Variants in COL4A1 observed in about 807,000 individuals in gnomAD.
The protein encoded by COL4A1 is collagen alpha-1(IV) chain.
In COL4A1, 40 loss-of-function variants were observed where a neutral mutation model predicts 216.6. The ratio of observed to expected loss-of-function variants is 0.18; its 90% CI spans 0.14 to 0.24. The LOEUF is 0.24. Ranked by LOEUF, COL4A1 falls within the 10% of genes least tolerant of loss-of-function variation. The pLI is 1.00. For missense variants in COL4A1, 1,628 were observed against 2,196.8 expected, an observed-to-expected ratio of 0.74 and a Z score of 5.18; for synonymous variants, 839 against 810.7, an observed-to-expected ratio of 1.03 and a Z score of -0.59.
intron 8 of COL4A1, 75 bp from the exon 9 acceptor site, chr13:110,210,287 G>A (rs780172856): frequency 3.4e-5 from 48 of 1,412,982 alleles, no homozygotes; most frequent in Non-Finnish European, 4.4e-5. Flanking sequence ...CTCTTTGATA[G>A]TTGGCATATA....
chr13:110,179,242 A>C (rs1335462871), intron 30 of COL4A1, 29 bp downstream of exon 30: 6 of 1,613,684 alleles, frequency 3.7e-6, no homozygotes, highest in Non-Finnish European at 5.1e-6. Context: ...TGTCCTCGAA[A>C]CCCTCCAGAC....
intron 49 of COL4A1, 52 bp from the exon 50 acceptor site, chr13:110,155,449 G>A (rs369837146): frequency 3.2e-5 from 40 of 1,251,558 alleles, no homozygotes; most frequent in African/African-American, 7.4e-5. Flanking sequence ...GGCAGAGGCC[G>A]CCCTCCATGC....
At chr13:110,249,177 C>T (rs1022236589) in intron 1 of COL4A1, among the ~76,000 whole-genome samples, 2 of 152,070 alleles carry the variant, frequency 1.3e-5, no homozygotes, top group Non-Finnish European at 2.9e-5. Flanking sequence ...TTGTGATGAC[C>T]TTCTGCGGGG....
chr13:110,203,783 A>G (rs1879357801), intron 17 of COL4A1, among the ~76,000 whole-genome samples, 176 bp from the exon 18 acceptor site: 1 of 152,188 alleles, frequency 6.6e-6, no homozygotes, highest in Non-Finnish European at 1.5e-5. Flanking sequence ...AATAGATTTC[A>G]TTTTGCTTTG....
At chr13:110,283,499 C>T (rs1041707349) in intron 1 of COL4A1, among the ~76,000 whole-genome samples, 7 of 152,288 alleles carry the variant, frequency 4.6e-5, no homozygotes, top group Admixed American at 2.0e-4. Context: ...CATAGGCACA[C>T]GCACACTCTC....
At chr13:110,227,419 CACACACAA>C (rs1445187840) in intron 2 of COL4A1, among the ~76,000 whole-genome samples, 1,511 of 145,476 alleles carry the variant, frequency 0.01, 11 homozygotes, top group Non-Finnish European at 0.013. Flanking sequence ...CACACACACA[CACACACAA>C]ACACACACAA....
intron 36 of COL4A1, among the ~76,000 whole-genome samples, chr13:110,175,653 T>C (rs1253538144): frequency 1.3e-5 from 2 of 152,208 alleles, no homozygotes; most frequent in Non-Finnish European, 2.9e-5. Flanking sequence ...ATATTTACTT[T>C]CTCAACAGAA....
chr13:110,167,182 G>A lies in COL4A1; in HGVS notation c.3925C>T (p.Pro1309Ser). The part of the protein sequence containing the change: ...GITGSKGDMG[P>S]PGVPGFQGPK... ...CCTTGAAATCCTGGAACTCCTGGAG[G>A]CCCCATATCACCCTTAGAGCCTGTG... The change falls in exon 44 of 52, where the codon CCT (proline) becomes TCT (serine). Residue 1309 changes from proline to serine, a missense_variant. By Grantham distance (74) the Pro-to-Ser change is moderately conservative. Around this residue, in one of 8 missense-constraint regions of COL4A1, gnomAD observed 345 missense variants for 476.9 expected, o/e 0.72. Transcript: ENST00000375820. 6.2e-7 allele frequency: 1 copy of A among 1,614,006 alleles called. No homozygotes were observed. Among genetic ancestry groups the A allele is most frequent in the Non-Finnish European group, 8.5e-7 (1 of 1,179,900 alleles).
chr13:110,229,151 G>A (rs1594603673), intron 2 of COL4A1, among the ~76,000 whole-genome samples: 1 of 152,232 alleles, frequency 6.6e-6, no homozygotes, highest in Admixed American at 6.5e-5. Flanking sequence ...ATGTCTGCTT[G>A]TGAAGTAATC....
chr13:110,167,122 T>A lies in COL4A1; in HGVS notation c.3949+36A>T, dbSNP rs376514401. 22 of 1,579,166 alleles carry A rather than the reference T, an allele frequency of 1.4e-5. No individual in the cohort carries two copies. In the Admixed American group the frequency reaches 1.8e-4, roughly 13 times the overall value. On this transcript the variant is annotated intron_variant, in intron 44 of 51. Coordinates refer to ENST00000375820, the MANE Select transcript of COL4A1 (RefSeq NM_001845.6). ...AAGCTCTTCACACAGCGTCTGCTGC[T>A]GCAAAGGCTGTGCAGCAAGGTCTGT...
intron 1 of COL4A1, among the ~76,000 whole-genome samples, chr13:110,287,989 G>A (rs1044488579): frequency 6.6e-6 from 1 of 151,878 alleles, no homozygotes; most frequent in Non-Finnish European, 1.5e-5. Flanking sequence ...GGGCGCGGTG[G>A]CTCACGCCTG....
At chr13:110,238,702 A>G (rs1000261139) in intron 2 of COL4A1, among the ~76,000 whole-genome samples, 4 of 152,182 alleles carry the variant, frequency 2.6e-5, no homozygotes, top group African/African-American at 9.7e-5. Context: ...TGGACACTGC[A>G]GGGTCACAGA....
chr13:110,154,601 G>T (rs1323691713), intron 50 of COL4A1, among the ~76,000 whole-genome samples: 3 of 152,260 alleles, frequency 2.0e-5, no homozygotes, highest in Non-Finnish European at 4.4e-5. Context: ...ATATAGAGAA[G>T]TTGGTCACAT....
In COL4A1 at chr13:110,182,992, C is replaced by A; in HGVS notation, c.2095+1G>T. The A allele has an allele frequency of 6.2e-7, 1 of 1,611,814 alleles. No individual in the cohort carries two copies. Among genetic ancestry groups the A allele is most frequent in the Non-Finnish European group, 8.5e-7 (1 of 1,179,404 alleles). ...GGCTCGGGTCCGTCTGGCAGGGTTA[C>A]CTTTGGGGCCGGGGGGCCCTGGAAA... On this transcript the variant is annotated splice_donor_variant, in intron 28 of 51. Coordinates refer to ENST00000375820, the MANE Select transcript of COL4A1 (RefSeq NM_001845.6). LOFTEE classifies it high-confidence loss of function.
At position 110,270,838 on chromosome 13, in the gene COL4A1, C is replaced by T. The variant is rs140125097; in HGVS notation, c.85-28104G>A. ...AGTAGCAATGGGCATGCCTAGCCCC[C>T]CTAACTTAGATTTTTGTTTTTCCAT... is the stretch of plus-strand genomic sequence containing the variant. On this transcript the variant is annotated intron_variant, in intron 1 of 51. Coordinates refer to ENST00000375820, the MANE Select transcript of COL4A1 (RefSeq NM_001845.6). 6.7e-3 allele frequency among the ~76,000 whole-genome samples: 1,026 copies of T among 152,212 alleles called. 4 individuals carry two copies. The highest frequency in any genetic ancestry group is 0.012 in the Non-Finnish European group (794 of 68,004).
intron 1 of COL4A1, among the ~76,000 whole-genome samples, chr13:110,296,787 T>C (rs1408126717): frequency 6.6e-6 from 1 of 152,244 alleles, no homozygotes; most frequent in East Asian, 1.9e-4. Flanking sequence ...GGTTATAAAT[T>C]GGAATTTCCA....
chr13:110,270,236 T>TAGGG (rs1883197160), intron 1 of COL4A1, among the ~76,000 whole-genome samples: 1 of 152,206 alleles, frequency 6.6e-6, no homozygotes, highest in South Asian at 2.1e-4. Context: ...CCATACCCAG[T>TAGGG]AGGGGCACAT....
intron 1 of COL4A1, among the ~76,000 whole-genome samples, chr13:110,269,243 C>T (rs549422141): frequency 1.3e-5 from 2 of 152,130 alleles, no homozygotes; most frequent in South Asian, 2.1e-4. Flanking sequence ...CTCCAGGGCT[C>T]GAAGCATATG....
At chr13:110,195,189 T>C in intron 21 of COL4A1, 71 bp from the exon 22 acceptor site, 5 of 1,234,726 alleles carry the variant, frequency 4.0e-6, no homozygotes, top group South Asian at 2.4e-5. Context: ...CAACCTCTAT[T>C]ATAAAACCAA....
Sources: allele counts gnomAD v4.1 joint callset (sites outside exome capture counted in the v4.1 genomes callset), GRCh38; gene constraint gnomAD v4.1.1; regional missense constraint gnomAD v4.1.1; transcripts MANE v1.5; gene names NCBI Gene and HGNC (gene_info 2026-07-23, HGNC 2026-07-21).